The following SUGCT variants were observed in gnomAD, a reference collection of about 807,000 sequenced individuals.
The protein encoded by SUGCT is succinyl-CoA:glutarate-CoA transferase, also known as succinyl-CoA:glutarate CoA-transferase.
In SUGCT, 41 loss-of-function variants were observed where a neutral mutation model predicts 55.0. That is an observed-to-expected ratio of 0.74 (90% confidence interval 0.58 to 0.97). The LOEUF (loss-of-function observed/expected upper bound fraction) is 0.97, where lower values mean the gene tolerates loss of function less well. SUGCT is among the 50% of genes least tolerant of loss of function. The pLI, the probability that SUGCT is intolerant of heterozygous loss-of-function variation, is 0.00. For synonymous variants in SUGCT, 187 were observed against 200.4 expected (o/e 0.93, Z 0.56); for missense variants, 568 against 547.8 (o/e 1.04, Z -0.37).
In SUGCT at chr7:40,336,758, C is replaced by T. The variant is rs1796733112; in HGVS notation, c.816+19903C>T. Among the ~76,000 whole-genome samples the T allele has an allele frequency of 3.3e-5, 5 of 152,118 alleles. No individual in the cohort carries two copies. In the South Asian group the frequency reaches 1.0e-3, roughly 32 times the overall value. ...TGTGTCTCTATCTCCTTCAGTTCTG[C>T]TCTGATCTTAGTTATTTCTTGCCTT... On this transcript the variant is annotated intron_variant, in intron 9 of 13. Coordinates refer to ENST00000335693, the MANE Select transcript of SUGCT (RefSeq NM_001193313.2).
chr7:40,676,908 TG>T (rs1784015990), intron 12 of SUGCT, among the ~76,000 whole-genome samples: 1 of 151,304 alleles, frequency 6.6e-6, no homozygotes, highest in Non-Finnish European at 1.5e-5. Context: ...TGTGTGTGTG[TG>T]TGTGTGTGTG....
chr7:40,177,971 G>A (rs1243149068), intron 1 of SUGCT, among the ~76,000 whole-genome samples: 1 of 152,134 alleles, frequency 6.6e-6, no homozygotes, highest in Non-Finnish European at 1.5e-5. Context: ...GGCTGGTTTC[G>A]AATTCCTGAC....
At chr7:40,859,296 C>T (rs556769426) in intron 13 of SUGCT, among the ~76,000 whole-genome samples, 47 of 152,316 alleles carry the variant, frequency 3.1e-4, no homozygotes, top group African/African-American at 1.1e-3. Flanking sequence ...GAAGTGGCTG[C>T]TGATGTTATG....
At chr7:40,993,730 G>A in the SUGCT span, among the ~76,000 whole-genome samples, 2 of 152,114 alleles carry the variant, frequency 1.3e-5, no homozygotes, top group Non-Finnish European at 2.9e-5. Flanking sequence ...CAATAGATTT[G>A]AAGTTGGAAG....
rs539894173 is a variant in SUGCT at position 40,365,737 on chromosome 7, C to G, written c.816+48882C>G. On this transcript the variant is annotated intron_variant, in intron 9 of 13. Transcript: ENST00000335693. ...TGAAGGACCTCTTCAAGGAGAACTA[C>G]AAACCACTGCTCAATGAAATAAAAG... Among the ~76,000 whole-genome samples the G allele has an allele frequency of 2.6e-5, 4 of 152,118 alleles. No homozygotes were observed. In the South Asian group the frequency reaches 6.2e-4, roughly 24 times the overall value.
intron 7 of SUGCT, among the ~76,000 whole-genome samples, chr7:40,256,289 G>GTTTT (rs1361148694): frequency 6.6e-6 from 1 of 152,084 alleles, no homozygotes; most frequent in Non-Finnish European, 1.5e-5. Context: ...CCTGTTCCTT[G>GTTTT]TTTTCAGTTC....
At chr7:40,228,841 G>T (rs1414883299) in intron 6 of SUGCT, among the ~76,000 whole-genome samples, 1 of 151,842 alleles carries the variant, frequency 6.6e-6, no homozygotes, top group Non-Finnish European at 1.5e-5. Context: ...CTTTACCAGT[G>T]ATGGCTATTT....
At chr7:40,488,361 A>ACTTCACT (rs1395482217) in intron 11 of SUGCT, among the ~76,000 whole-genome samples, 5 of 151,984 alleles carry the variant, frequency 3.3e-5, no homozygotes, top group African/African-American at 1.2e-4. Context: ...CTACATTTTC[A>ACTTCACT]CTTCACTCCC....
chr7:40,849,121 A>G (rs1793725897), intron 13 of SUGCT, among the ~76,000 whole-genome samples: 1 of 152,182 alleles, frequency 6.6e-6, no homozygotes, highest in African/African-American at 2.4e-5. Flanking sequence ...TGAGCCAAAG[A>G]AGTCCAAAGA....
intron 12 of SUGCT, among the ~76,000 whole-genome samples, chr7:40,523,417 G>A (rs1793654954): frequency 6.6e-6 from 1 of 152,024 alleles, no homozygotes; most frequent in Non-Finnish European, 1.5e-5. Context: ...CCATGGAAAA[G>A]ACTATGATGT....
chr7:41,008,099 C>T, the SUGCT span, among the ~76,000 whole-genome samples: 1 of 152,212 alleles, frequency 6.6e-6, no homozygotes, highest in African/African-American at 2.4e-5. Flanking sequence ...TATCCTCCCC[C>T]TCCCGTAGAC....
chr7:40,343,946 A>G (rs890840985), intron 9 of SUGCT, among the ~76,000 whole-genome samples: 1 of 152,138 alleles, frequency 6.6e-6, no homozygotes, highest in Non-Finnish European at 1.5e-5. Context: ...GTGAGTCACC[A>G]TATTAGTTGA....
At chr7:40,536,329 G>GATACC (rs1301469406) in intron 12 of SUGCT, among the ~76,000 whole-genome samples, 1 of 152,192 alleles carries the variant, frequency 6.6e-6, no homozygotes, top group African/African-American at 2.4e-5. Flanking sequence ...AAGAGAGAGG[G>GATACC]ATACCTTATG....
chr7:40,948,601 C>T, the SUGCT span, among the ~76,000 whole-genome samples: 1 of 152,176 alleles, frequency 6.6e-6, no homozygotes, highest in South Asian at 2.1e-4. Context: ...GCTATCCCTC[C>T]CCTTTCCCCC....
At chr7:40,872,968 G>A in the SUGCT span, among the ~76,000 whole-genome samples, 1 of 152,184 alleles carries the variant, frequency 6.6e-6, no homozygotes, top group Non-Finnish European at 1.5e-5. Flanking sequence ...GTCAGGGCTT[G>A]CTGACTGGGT....
chr7:40,186,464 G>A (rs1009242350), intron 3 of SUGCT, among the ~76,000 whole-genome samples: 31 of 151,846 alleles, frequency 2.0e-4, no homozygotes, highest in African/African-American at 7.3e-4. Flanking sequence ...TCACCATGTT[G>A]CCTAGGCTGT....
At chr7:40,202,570 C>T in intron 6 of SUGCT, among the ~76,000 whole-genome samples, 1 of 152,034 alleles carries the variant, frequency 6.6e-6, no homozygotes, top group East Asian at 1.9e-4. Flanking sequence ...TTTTCAGAAT[C>T]AGGCCCTCCC....
At chr7:40,964,219 T>A in the SUGCT span, among the ~76,000 whole-genome samples, 6 of 152,340 alleles carry the variant, frequency 3.9e-5, no homozygotes, top group Non-Finnish European at 4.4e-5. Flanking sequence ...GGATCTTGCC[T>A]ATGTAGCTCT....
intron 12 of SUGCT, among the ~76,000 whole-genome samples, chr7:40,536,814 G>T (rs891702118): frequency 4.6e-5 from 7 of 152,310 alleles, no homozygotes; most frequent in Admixed American, 1.3e-4. Context: ...CCCTGAAGGA[G>T]AGCTTCTTAA....
Sources: allele counts gnomAD v4.1 joint callset (sites outside exome capture counted in the v4.1 genomes callset), GRCh38; gene constraint gnomAD v4.1.1; transcripts MANE v1.5; gene names NCBI Gene and HGNC (gene_info 2026-07-23, HGNC 2026-07-21).